Variants in SSH1 observed in about 807,000 individuals in gnomAD.
The protein encoded by SSH1 is slingshot protein phosphatase 1.
SSH1 carries 43 observed loss-of-function variants against 79.7 expected under a neutral mutation model. The observed-to-expected ratio is 0.54, with a 90% CI of 0.42 to 0.70. The LOEUF (loss-of-function observed/expected upper bound fraction) is 0.70. Among genes scored for constraint, SSH1 ranks in the 30% least tolerant of loss-of-function variants. The probability of loss-of-function intolerance (pLI) is 0.00; values close to 1 mark genes in which losing one functional copy is unlikely to be tolerated. For synonymous variants in SSH1, 599 were observed against 538.3 expected (o/e 1.11, Z -1.56); for missense variants, 1,206 against 1,358.8 (o/e 0.89, Z 1.77).
chr12:108,809,329 T>G (rs373130936), intron 7 of SSH1, among the ~76,000 whole-genome samples: 3 of 150,910 alleles, frequency 2.0e-5, no homozygotes, highest in Admixed American at 6.6e-5. Context: ...TGGTGGCGCA[T>G]GCCTGTAGTC....
rs1297219380 is a variant in SSH1 at position 108,788,192 on chromosome 12, C to T, written c.2946G>A (p.Leu982=). The T allele has an allele frequency of 1.2e-6, 2 of 1,613,986 alleles. No individual in the cohort carries two copies. The highest frequency in any genetic ancestry group is 1.7e-5 in the Admixed American group (1 of 59,994). ...CTTCCGTTGAGAAGGTGAGACTCCC[C>T]AGCTTGGCAAGAGAGTGTGAGCGCT... The part of the protein sequence containing the change: ...PLKRSHSLAK[L]GSLTFSTEDL... The change falls in exon 15 of 15, where the codon CTG becomes CTA. Residue 982 remains leucine, a synonymous_variant. Coordinates refer to ENST00000326495, the MANE Select transcript of SSH1 (RefSeq NM_018984.4).
chr12:108,833,163 T>C (rs1490563405), intron 2 of SSH1, among the ~76,000 whole-genome samples: 1 of 152,014 alleles, frequency 6.6e-6, no homozygotes, highest in Non-Finnish European at 1.5e-5. Context: ...CTTTTTTTTT[T>C]TTTTCTCCCT....
At position 108,792,721 on chromosome 12, in the gene SSH1, G is replaced by C; in HGVS notation, c.1458C>G (p.Gly486=). 1 of 1,613,690 alleles carries C rather than the reference G, an allele frequency of 6.2e-7. No homozygotes were observed. Among genetic ancestry groups the C allele is most frequent in the South Asian group, 1.1e-5 (1 of 91,082 alleles). The change falls in exon 14 of 15, where the codon GGC becomes GGG. Residue 486 remains glycine, a synonymous_variant. Coordinates refer to ENST00000326495, the MANE Select transcript of SSH1 (RefSeq NM_018984.4). The part of the protein sequence containing the change: ...PGDFLPETPD[G]TPESQLPFLD... ...AGAAGGGCAGCTGGCTTTCCGGGGT[G>C]CCATCTGGGGTCTCTGGCAAGAAGT...
intron 2 of SSH1, among the ~76,000 whole-genome samples, chr12:108,832,798 C>T (rs1264331302): frequency 6.6e-6 from 1 of 152,170 alleles, no homozygotes; most frequent in Non-Finnish European, 1.5e-5. Flanking sequence ...CCAAATGTCA[C>T]TCTTCAGAGC....
At chr12:108,839,484 C>G (rs539278746) in intron 2 of SSH1, among the ~76,000 whole-genome samples, 1 of 152,298 alleles carries the variant, frequency 6.6e-6, no homozygotes, top group East Asian at 1.9e-4. Flanking sequence ...CTGAAGGCCC[C>G]TTCCTGTGGG....
In SSH1 at chr12:108,788,077, T is replaced by C; in HGVS notation, c.3061A>G (p.Thr1021Ala). ...ESSFLHEPQG[T>A]PRDPAATSKP... Reference sequence around the variant, plus strand: ...GAGGTTGCAGCTGGGTCCCTCGGGGTTCCCTGGGGCTCATGCAAGAAGGAA... The same window carrying C: ...GAGGTTGCAGCTGGGTCCCTCGGGGCTCCCTGGGGCTCATGCAAGAAGGAA... The change falls in exon 15 of 15, where the codon ACC becomes GCC. Residue 1021 changes from threonine (T) to alanine (A), a missense_variant. Coordinates refer to ENST00000326495, the MANE Select transcript of SSH1 (RefSeq NM_018984.4). The C allele has an allele frequency of 6.2e-7, 1 of 1,613,628 alleles. No individual in the cohort carries two copies. Among genetic ancestry groups the C allele is most frequent in the African/African-American group, 1.3e-5 (1 of 74,842 alleles).
chr12:108,855,555 G>A (rs2039127710), intron 1 of SSH1, among the ~76,000 whole-genome samples: 1 of 152,214 alleles, frequency 6.6e-6, no homozygotes, highest in African/African-American at 2.4e-5. Flanking sequence ...TAGGTTGCAA[G>A]TAACTCTAGG....
At chr12:108,853,819 G>A (rs1183660748) in intron 1 of SSH1, among the ~76,000 whole-genome samples, 1 of 152,040 alleles carries the variant, frequency 6.6e-6, no homozygotes, top group Non-Finnish European at 1.5e-5. Context: ...AGCTACCTGG[G>A]AGGCTGAGGC....
At chr12:108,852,846 T>G in intron 1 of SSH1, 168 bp from the exon 2 acceptor site, 4 of 985,424 alleles carry the variant, frequency 4.1e-6, no homozygotes, top group Non-Finnish European at 4.8e-6. Flanking sequence ...GTCTGTCCCT[T>G]GGAGTCATTT....
At position 108,792,491 on chromosome 12, in the gene SSH1, A is replaced by C. The variant is rs779653078; in HGVS notation, c.1688T>G (p.Leu563Arg). The change falls in exon 14 of 15, where the codon CTC becomes CGC. Residue 563 changes from leucine (L) to arginine (R), a missense_variant. Leu to Arg is a moderately radical substitution (Grantham distance 102, BLOSUM62 -2). Around this residue, in one of 5 missense-constraint regions of SSH1, gnomAD observed 709 missense variants for 730.6 expected, o/e 0.97. Transcript: ENST00000326495. ...PARQPQQGSGLCEKDVKKKLE... is the reference protein window; with the variant it reads ...PARQPQQGSGRCEKDVKKKLE... ...TTTCTTCTTCACATCCTTCTCACAG[A>C]GTCCGGAACCTTGCTGGGGCTGTCT... The C allele has an allele frequency of 4.3e-6, 7 of 1,614,136 alleles. No homozygotes were observed. In the East Asian group the frequency reaches 1.6e-4, roughly 36 times the overall value.
rs767056479 is a variant in SSH1, at chr12:108,816,644, C to T, written c.401+394G>A. On this transcript the variant is annotated intron_variant, in intron 5 of 14. Transcript: ENST00000326495. ...GCCCACCAATCTCCATACTTCTCCC[C>T]GGGCCCCTCTGCCTGAGAGGGTCTC... Among the ~76,000 whole-genome samples the T allele has an allele frequency of 2.2e-4, 33 of 152,182 alleles. 1 individual carries two copies. The highest frequency in any genetic ancestry group is 3.7e-4 in the Non-Finnish European group (25 of 68,020).
chr12:108,855,286 C>A (rs369803695), intron 1 of SSH1, among the ~76,000 whole-genome samples: 9 of 152,220 alleles, frequency 5.9e-5, no homozygotes, highest in Admixed American at 3.9e-4. Flanking sequence ...CCAGAATAAG[C>A]AAATCCATAG....
Position 108,807,563 on chromosome 12 carries a change from A to T in SSH1, c.731+70T>A. 6.6e-7 allele frequency: 1 copy of T among 1,508,722 alleles called. No homozygotes were observed. Among genetic ancestry groups the T allele is most frequent in the Non-Finnish European group, 9.2e-7 (1 of 1,089,624 alleles). 93.5% of individuals were successfully genotyped at this position (1,508,722 alleles called of 1,614,324 possible). The stretch of plus-strand genomic sequence containing the variant: ...GCCCAATGCAGGTTCAGGGTCGGGC[A>T]CAGGGCAGGTGGGGGAGAGGCAGGT... On this transcript the variant is annotated intron_variant, in intron 8 of 14. Transcript: ENST00000326495. The surrounding 1 kb of genome is among the most constrained non-coding windows in gnomAD (Gnocchi z 5.2).
At chr12:108,827,795 C>A (rs1435333358) in intron 2 of SSH1, among the ~76,000 whole-genome samples, 1 of 152,170 alleles carries the variant, frequency 6.6e-6, no homozygotes, top group Non-Finnish European at 1.5e-5. Context: ...ATCCATTTAC[C>A]CAACGGTGAC....
At chr12:108,821,795 G>T (rs759862203) in intron 3 of SSH1, among the ~76,000 whole-genome samples, 24 of 152,280 alleles carry the variant, frequency 1.6e-4, no homozygotes, top group Admixed American at 7.8e-4. Context: ...ACTGAGCCTT[G>T]GTGTTTGCTA....
chr12:108,832,865 C>A (rs998821035), intron 2 of SSH1, among the ~76,000 whole-genome samples: 2 of 152,130 alleles, frequency 1.3e-5, no homozygotes, highest in African/African-American at 4.8e-5. Flanking sequence ...CCAAATTGTA[C>A]CCCCCTAAAC....
At chr12:108,792,979 C>A in intron 13 of SSH1, 150 bp from the exon 14 acceptor site, 1 of 939,912 alleles carries the variant, frequency 1.1e-6, no homozygotes, top group East Asian at 2.6e-5. Context: ...TCTCTCTGTT[C>A]ATTTGTTCCC....
At position 108,799,778 on chromosome 12, in the gene SSH1, C is replaced by T. The variant is rs181261674; in HGVS notation, c.1149-578G>A. 5.4e-4 allele frequency among the ~76,000 whole-genome samples: 82 copies of T among 152,250 alleles called. 1 individual carries two copies. In the East Asian group the frequency reaches 0.012, roughly 22 times the overall value. On this transcript the variant is annotated intron_variant, in intron 12 of 14. Coordinates refer to ENST00000326495, the MANE Select transcript of SSH1 (RefSeq NM_018984.4). ...GCCAGGAGTGGAAGATGGGGCTGGC[C>T]GTTTATTTGTAAGGAGGCAGTGCTG...
Position 108,788,660 on chromosome 12 carries a change from G to T in SSH1, c.2478C>A (p.Thr826=), listed in dbSNP as rs776336279. ...LQKAGLVRKH[T]KELERLKSVP... Reference sequence around the variant, plus strand: ...CGCTCTTCAGCCGCTCTAGCTCTTTGGTGTGCTTGCGGACCAAGCCTGCCT... The same window carrying T: ...CGCTCTTCAGCCGCTCTAGCTCTTTTGTGTGCTTGCGGACCAAGCCTGCCT... Residue 826 remains threonine (T), a synonymous_variant, in exon 15 of 15, where the codon ACC becomes ACA. Transcript: ENST00000326495. 6 of 1,613,966 alleles carry T rather than the reference G, an allele frequency of 3.7e-6. No homozygotes were observed. In the African/African-American group the frequency reaches 8.0e-5, roughly 22 times the overall value.
Sources: allele counts gnomAD v4.1 joint callset (sites outside exome capture counted in the v4.1 genomes callset), GRCh38; gene constraint gnomAD v4.1.1; regional missense constraint gnomAD v4.1.1; non-coding constraint Gnocchi (gnomAD v3.1); transcripts MANE v1.5; gene names NCBI Gene and HGNC (gene_info 2026-07-23, HGNC 2026-07-21).